The following TMEM254 variants were observed in gnomAD, a reference collection of about 807,000 sequenced individuals.
TMEM254 encodes transmembrane protein 254.
A neutral mutation model predicts 13.9 loss-of-function variants in TMEM254; 16 were observed. The observed-to-expected ratio is 1.15, with a 90% CI of 0.78 to 1.75. TMEM254 has a LOEUF of 1.75. Among genes scored for constraint, TMEM254 ranks in the 40% most tolerant of loss-of-function variants. The probability of loss-of-function intolerance (pLI) is 0.00; values close to 1 mark genes in which losing one functional copy is unlikely to be tolerated. For missense variants in TMEM254, 155 were observed against 149.0 expected (o/e 1.04, Z -0.21); for synonymous variants, 61 against 56.4 (o/e 1.08, Z -0.36).
Position 80,082,349 on chromosome 10 carries a change from G to C in TMEM254, c.251+145G>C, listed in dbSNP as rs553472482. The C allele has an allele frequency of 2.2e-5, 19 of 857,616 alleles. No individual in the cohort carries two copies. In the South Asian group the frequency reaches 3.0e-4, roughly 13 times the overall value. 53.1% of individuals were successfully genotyped at this position (857,616 alleles called of 1,614,324 possible). ...ATCCCCATGCCTGATACTGAGCCTG[G>C]AGCAGAGGCAGTACCCAGTAAATGT... On this transcript the variant is annotated intron_variant, in intron 3 of 3. Coordinates refer to ENST00000372281, the MANE Select transcript of TMEM254 (RefSeq NM_025125.4).
rs183014079 is a variant in TMEM254 at position 80,084,850 on chromosome 10, G to A, written c.251+2646G>A. 9.0e-3 allele frequency among the ~76,000 whole-genome samples: 1,361 copies of A among 151,790 alleles called. 13 individuals carry two copies. The highest frequency in any genetic ancestry group is 0.041 in the Middle Eastern group (12 of 294). On this transcript the variant is annotated intron_variant, in intron 3 of 3. Transcript: ENST00000372281. ...TATTTATTTTTTTCTTTTTTGAGAC[G>A]GAGTTTCGCTCTGTCGCCAGGCTGG...
At chr10:80,084,928 C>T (rs1358773293) in intron 3 of TMEM254, among the ~76,000 whole-genome samples, 2 of 151,998 alleles carry the variant, frequency 1.3e-5, no homozygotes, top group African/African-American at 2.4e-5. Flanking sequence ...CTGGTTCAAG[C>T]GATTGTCTGG....
intron 3 of TMEM254, among the ~76,000 whole-genome samples, chr10:80,085,250 A>G (rs1439942655): frequency 1.3e-5 from 2 of 152,132 alleles, no homozygotes; most frequent in African/African-American, 4.8e-5. Context: ...ATGAATCAGA[A>G]TAAATATTCC....
At position 80,082,220 on chromosome 10, in the gene TMEM254, A is replaced by G; in HGVS notation, c.251+16A>G. ...TATTGTGCAAGTAAGTCTTTGAAGT[A>G]GGTGTTTGTTGCCTTTCTCTTAGTA... On this transcript the variant is annotated intron_variant, in intron 3 of 3. Transcript: ENST00000372281. The G allele has an allele frequency of 6.2e-7, 1 of 1,613,896 alleles. No individual in the cohort carries two copies. Among genetic ancestry groups the G allele is most frequent in the South Asian group, 1.1e-5 (1 of 91,018 alleles).
At position 80,079,315 on chromosome 10, in the gene TMEM254, G is replaced by A. The variant is rs570991081; in HGVS notation, c.87+529G>A. On this transcript the variant is annotated intron_variant, in intron 1 of 3. Coordinates refer to ENST00000372281, the MANE Select transcript of TMEM254 (RefSeq NM_025125.4). The stretch of plus-strand genomic sequence containing the variant: ...GTTGTCTCGGTTACTCATGTAAGCG[G>A]AAATTCGGTGGGCTCTTAGGATAGT... 3 of 1,200,188 alleles carry A rather than the reference G, an allele frequency of 2.5e-6. No homozygotes were observed. The East Asian group carries it at 1.8e-4, about 71-fold the overall frequency. The allele number at this position is 1,200,188 out of a possible 1,614,324, so 74.3% of individuals were successfully genotyped here. A position where few individuals can be genotyped will look rare whatever the true frequency, so the allele number is the denominator to read the frequency against.
At chr10:80,090,333 A>G (rs1279686461) in intron 3 of TMEM254, 1 of 717,040 alleles carries the variant, frequency 1.4e-6, no homozygotes, top group East Asian at 2.7e-5. Context: ...CCCATAAATC[A>G]TCTCAACTGA....
Position 80,090,884 on chromosome 10 carries a change from T to C in TMEM254, c.339T>C (p.Ile113=), listed in dbSNP as rs1844550503. ...GGATAGCGTCTCTCACCATCTTGAT[T>C]GCTTACAAACGGAAGCGCCAAAAAC... ...FFGIASLTIL[I]AYKRKRQKQT is the part of the protein sequence containing the mutation. The change falls in exon 4 of 4, where the codon ATT becomes ATC. Residue 113 remains isoleucine, a synonymous_variant. Transcript: ENST00000372281. 2 of 1,614,002 alleles carry C rather than the reference T, an allele frequency of 1.2e-6. No homozygotes were observed. The highest frequency in any genetic ancestry group is 1.7e-6 in the Non-Finnish European group (2 of 1,179,984).
chr10:80,081,717 C>G (rs1844036962), intron 1 of TMEM254, 124 bp from the exon 2 acceptor site: 1 of 1,608,824 alleles, frequency 6.2e-7, no homozygotes, highest in Admixed American at 1.7e-5. Flanking sequence ...ACCCAAATGA[C>G]TGTTCAGAGT....
At chr10:80,086,558 GT>G (rs1844322719) in intron 3 of TMEM254, 1 of 182,414 alleles carries the variant, frequency 5.5e-6, no homozygotes, top group African/African-American at 2.4e-5. Context: ...AAAATTGAAA[GT>G]TGGCTGGGCG....
chr10:80,085,331 A>G (rs1296422413), intron 3 of TMEM254, among the ~76,000 whole-genome samples: 1 of 152,014 alleles, frequency 6.6e-6, no homozygotes, highest in Non-Finnish European at 1.5e-5. Context: ...AGGCTGAGGC[A>G]GGCGGATCAC....
intron 3 of TMEM254, among the ~76,000 whole-genome samples, chr10:80,084,730 C>T (rs991148234): frequency 6.6e-6 from 1 of 152,180 alleles, no homozygotes; most frequent in Non-Finnish European, 1.5e-5. Flanking sequence ...TCCAGCCCCT[C>T]AACTTGGAAT....
chr10:80,090,013 A>T (rs1589390436), intron 3 of TMEM254, among the ~76,000 whole-genome samples: 1 of 152,230 alleles, frequency 6.6e-6, no homozygotes, highest in South Asian at 2.1e-4. Context: ...TCAAAAAAAA[A>T]AAAAAAAAGA....
chr10:80,082,768 A>G lies in TMEM254; in HGVS notation c.251+564A>G, dbSNP rs78936679. Among the ~76,000 whole-genome samples, 726 of 152,348 alleles carry G rather than the reference A, an allele frequency of 4.8e-3. 9 individuals are homozygous for G. Among genetic ancestry groups the G allele is most frequent in the African/African-American group, 0.017 (688 of 41,566 alleles). On this transcript the variant is annotated intron_variant, in intron 3 of 3. Transcript: ENST00000372281. ...GGAGATGCTAGTATAGGTTAATGCT[A>G]TGTGAGAATACAAGAAAAAATTATG...
rs1052567904 is a variant in TMEM254, at chr10:80,081,321, T to C, written c.88-520T>C. Among the ~76,000 whole-genome samples, 5 of 152,050 alleles carry C rather than the reference T, an allele frequency of 3.3e-5. 1 individual carries two copies. Among genetic ancestry groups the C allele is most frequent in the Admixed American group, 3.3e-4 (5 of 15,250 alleles). On this transcript the variant is annotated intron_variant, in intron 1 of 3. Coordinates refer to ENST00000372281, the MANE Select transcript of TMEM254 (RefSeq NM_025125.4). ...AGTCATCCACCGTGGGCACTGAGTCTGATAACCACATACTTTCCTCAGCAT... is the reference window on the plus strand; with the variant it reads ...AGTCATCCACCGTGGGCACTGAGTCCGATAACCACATACTTTCCTCAGCAT...
At chr10:80,081,479 C>A (rs1389449915) in intron 1 of TMEM254, among the ~76,000 whole-genome samples, 1 of 151,980 alleles carries the variant, frequency 6.6e-6, no homozygotes, top group Non-Finnish European at 1.5e-5. Context: ...CCATCCTGGG[C>A]AACATAGTGA....
At chr10:80,080,074 G>A (rs1360489222) in intron 1 of TMEM254, among the ~76,000 whole-genome samples, 3 of 152,192 alleles carry the variant, frequency 2.0e-5, no homozygotes, top group African/African-American at 7.2e-5. Context: ...GTACAATGGA[G>A]GTGTTGAACT....
rs748430369 is a variant in TMEM254, at chr10:80,081,827, T to A, written c.88-14T>A. ...TGACCTAATAGGTATTCTGTGTCTC[T>A]GCTTCTCTTTCAGTGGGTTGTCTTC... is the stretch of plus-strand genomic sequence containing the variant. On this transcript the variant is annotated splice_polypyrimidine_tract_variant and intron_variant, in intron 1 of 3. Transcript: ENST00000372281. 1.2e-6 allele frequency: 2 copies of A among 1,614,136 alleles called. No homozygotes were observed. The highest frequency in any genetic ancestry group is 1.1e-5 in the South Asian group (1 of 91,052).
chr10:80,085,244 A>T (rs1156909382), intron 3 of TMEM254, among the ~76,000 whole-genome samples: 1 of 152,186 alleles, frequency 6.6e-6, no homozygotes, highest in Non-Finnish European at 1.5e-5. Context: ...GTCACTATGA[A>T]TCAGAATAAA....
rs577395135 is a variant in TMEM254 at position 80,091,102 on chromosome 10, C to T, written c.*185C>T. The T allele has an allele frequency of 1.7e-6, 1 of 602,794 alleles. No individual in the cohort carries two copies. Among genetic ancestry groups the T allele is most frequent in the East Asian group, 3.2e-5 (1 of 30,944 alleles). The allele number at this position is 602,794 out of a possible 1,614,324, so 37.3% of individuals were successfully genotyped here. A position where few individuals can be genotyped will look rare whatever the true frequency, so the allele number is the denominator to read the frequency against. ...ATGCTCTGGTTGAGCTTGAATAGACCAGTTGTTACTTAAGAAAGAAACAGA... is the reference window on the plus strand; with the variant it reads ...ATGCTCTGGTTGAGCTTGAATAGACTAGTTGTTACTTAAGAAAGAAACAGA... On this transcript the variant is annotated 3_prime_UTR_variant, in exon 4 of 4. Coordinates refer to ENST00000372281, the MANE Select transcript of TMEM254 (RefSeq NM_025125.4).
Sources: allele counts gnomAD v4.1 joint callset (sites outside exome capture counted in the v4.1 genomes callset), GRCh38; gene constraint gnomAD v4.1.1; transcripts MANE v1.5; gene names NCBI Gene and HGNC (gene_info 2026-07-23, HGNC 2026-07-21).